Variants in SMOC2 observed in about 807,000 individuals in gnomAD.
SMOC2 encodes SPARC related modular calcium binding 2.
In SMOC2, 39 loss-of-function variants were observed where a neutral mutation model predicts 61.4. The ratio of observed to expected loss-of-function variants is 0.64; its 90% confidence interval spans 0.49 to 0.83. SMOC2 has a LOEUF of 0.83. Among genes scored for constraint, SMOC2 ranks in the 40% least tolerant of loss-of-function variants. The pLI, the probability that SMOC2 is intolerant of heterozygous loss-of-function variation, is 0.00. For missense variants in SMOC2, 556 were observed against 592.9 expected (o/e 0.94, Z 0.65); for synonymous variants, 247 against 239.9 (o/e 1.03, Z -0.27).
chr6:168,615,620 T>C, intron 9 of SMOC2, among the ~76,000 whole-genome samples: 1 of 122,636 alleles, frequency 8.2e-6, no homozygotes, highest in African/African-American at 3.2e-5. Context: ...TCTTCACACC[T>C]ACAGCCAGCA....
chr6:168,666,029 C>CA (rs1276544146), intron 12 of SMOC2, among the ~76,000 whole-genome samples: 1 of 149,584 alleles, frequency 6.7e-6, no homozygotes, highest in African/African-American at 2.5e-5. Flanking sequence ...AACTAGTGAA[C>CA]AAAAAAGATA....
At chr6:168,526,735 C>T in intron 3 of SMOC2, among the ~76,000 whole-genome samples, 1 of 152,186 alleles carries the variant, frequency 6.6e-6, no homozygotes, top group East Asian at 1.9e-4. Context: ...AGCCTGGAAG[C>T]TTCCTTAGTG....
At chr6:168,486,691 T>A (rs1782348301) in intron 1 of SMOC2, among the ~76,000 whole-genome samples, 1 of 151,914 alleles carries the variant, frequency 6.6e-6, no homozygotes, top group African/African-American at 2.4e-5. Context: ...TGGAGGCTGA[T>A]GATATGAAAA....
chr6:168,605,931 C>T (rs186563489), intron 8 of SMOC2, among the ~76,000 whole-genome samples: 29 of 152,306 alleles, frequency 1.9e-4, no homozygotes, highest in East Asian at 9.6e-4. Context: ...CTGGGACATT[C>T]GCCTGGCTTT....
Position 168,547,375 on chromosome 6 carries a change from G to A in SMOC2, c.562+206G>A, listed in dbSNP as rs9346721. Among the ~76,000 whole-genome samples the A allele has an allele frequency of 0.73, 110,475 of 151,288 alleles. 41,722 individuals are homozygous for A. The highest frequency in any genetic ancestry group is 1 in the East Asian group (5,081 of 5,094). ...AAACAAACAAAACTCCAATAGTGAG[G>A]AGAGGAAAACAGCAAGCCGAAAGGT... On this transcript the variant is annotated intron_variant, in intron 6 of 12. Coordinates refer to ENST00000356284, the MANE Select transcript of SMOC2 (RefSeq NM_001166412.2).
At chr6:168,531,382 G>A (rs1015165249) in intron 4 of SMOC2, among the ~76,000 whole-genome samples, 4 of 152,344 alleles carry the variant, frequency 2.6e-5, no homozygotes, top group East Asian at 3.9e-4. Flanking sequence ...AACGTGCAAC[G>A]CCACTGAAAG....
At chr6:168,485,704 TG>T (rs1782315679) in intron 1 of SMOC2, among the ~76,000 whole-genome samples, 1 of 152,164 alleles carries the variant, frequency 6.6e-6, no homozygotes, top group African/African-American at 2.4e-5. Flanking sequence ...CTAATAGCTA[TG>T]TTTTTTTGGG....
At chr6:168,498,717 G>C (rs28651759) in intron 1 of SMOC2, among the ~76,000 whole-genome samples, 601 of 114,346 alleles carry the variant, frequency 5.3e-3, no homozygotes, top group Non-Finnish European at 7.0e-3. Context: ...CTACGAGTCA[G>C]AGTCTCTGGG....
chr6:168,606,463 G>A (rs1785693176), intron 8 of SMOC2, among the ~76,000 whole-genome samples: 3 of 152,190 alleles, frequency 2.0e-5, no homozygotes, highest in Admixed American at 2.0e-4. Context: ...AGGAATGTGT[G>A]GTTCCTGACT....
intron 4 of SMOC2, among the ~76,000 whole-genome samples, chr6:168,529,313 T>C (rs1783529617): frequency 6.6e-6 from 1 of 152,260 alleles, no homozygotes; most frequent in African/African-American, 2.4e-5. Flanking sequence ...GGGCAGCCCA[T>C]GCGCTGGGTA....
chr6:168,614,320 C>T (rs1207563773), intron 9 of SMOC2, among the ~76,000 whole-genome samples: 2 of 71,680 alleles, frequency 2.8e-5, no homozygotes, highest in Non-Finnish European at 5.3e-5. Flanking sequence ...CAGCACAGGG[C>T]CTCTTCATAC....
intron 1 of SMOC2, among the ~76,000 whole-genome samples, chr6:168,472,453 A>G (rs1223102970): frequency 4.6e-5 from 7 of 152,140 alleles, no homozygotes; most frequent in African/African-American, 1.7e-4. Context: ...CCATTGCCCA[A>G]CACTGCAATT....
chr6:168,653,900 A>T (rs375728268), intron 11 of SMOC2, among the ~76,000 whole-genome samples: 10 of 32,012 alleles, frequency 3.1e-4, no homozygotes, highest in Non-Finnish European at 3.7e-4. Flanking sequence ...CCAACCCTGC[A>T]CCTGAGCTCC....
chr6:168,490,944 C>T (rs921596122), intron 1 of SMOC2, among the ~76,000 whole-genome samples: 3 of 152,078 alleles, frequency 2.0e-5, no homozygotes, highest in African/African-American at 7.2e-5. Flanking sequence ...GCAGCGGGGG[C>T]GGCTGGTCTC....
At chr6:168,442,374 G>C (rs1197410682) in intron 1 of SMOC2, among the ~76,000 whole-genome samples, 2 of 152,256 alleles carry the variant, frequency 1.3e-5, no homozygotes, top group Admixed American at 1.3e-4. Flanking sequence ...GCTGAGCCAA[G>C]CCCCCGCCGG....
intron 7 of SMOC2, among the ~76,000 whole-genome samples, chr6:168,570,521 C>G (rs1784641027): frequency 6.6e-6 from 1 of 152,110 alleles, no homozygotes; most frequent in Non-Finnish European, 1.5e-5. Flanking sequence ...TTCACAGGGC[C>G]CTGTGTTGTG....
At chr6:168,578,637 G>A (rs940812528) in intron 7 of SMOC2, among the ~76,000 whole-genome samples, 4 of 152,162 alleles carry the variant, frequency 2.6e-5, no homozygotes, top group African/African-American at 4.8e-5. Flanking sequence ...GGGGTTTTCC[G>A]AGAAGAGAGA....
intron 7 of SMOC2, among the ~76,000 whole-genome samples, chr6:168,584,291 G>A (rs1355937987): frequency 2.6e-5 from 4 of 152,200 alleles, no homozygotes; most frequent in Non-Finnish European, 4.4e-5. Flanking sequence ...GAGTTCTTCC[G>A]ACGTGGGACC....
chr6:168,509,835 G>A (rs763723386), intron 1 of SMOC2, 80 bp from the exon 2 acceptor site: 19 of 1,419,524 alleles, frequency 1.3e-5, no homozygotes, highest in Non-Finnish European at 1.7e-5. Flanking sequence ...CCGTGAAGTG[G>A]CCTGAGGCAG....
Sources: gnomAD v4.1 joint callset for allele counts (sites outside exome capture counted in the v4.1 genomes callset) on GRCh38, gnomAD v4.1.1 for gene constraint, MANE v1.5 for transcripts, NCBI Gene and HGNC (gene_info 2026-07-23, HGNC 2026-07-21) for gene names.